The following CUX2 variants were observed in gnomAD, a reference collection of about 807,000 sequenced individuals.
CUX2 encodes cut like homeobox 2.
In CUX2, 40 loss-of-function variants were observed where a neutral mutation model predicts 144.8. The ratio of observed to expected loss-of-function variants is 0.28; its 90% confidence interval spans 0.21 to 0.36. The LOEUF is 0.36. Among genes scored for constraint, CUX2 ranks in the 10% least tolerant of loss-of-function variants. The pLI, the probability that CUX2 is intolerant of heterozygous loss-of-function variation, is 1.00. For missense variants in CUX2, 1,615 were observed against 1,994.0 expected, an observed-to-expected ratio of 0.81 and a Z score of 3.62; for synonymous variants, 827 against 875.6, an observed-to-expected ratio of 0.94 and a Z score of 0.98.
In CUX2 at chr12:111,342,069, C is replaced by T. The variant is rs747464593; in HGVS notation, c.3659+16C>T. The T allele has an allele frequency of 1.3e-5, 20 of 1,598,078 alleles. No homozygotes were observed. The highest frequency in any genetic ancestry group is 7.9e-5 in the South Asian group (7 of 88,382). On this transcript the variant is annotated intron_variant, in intron 21 of 21. Transcript: ENST00000261726. ...ACAACTACAGGTGGGACTATGGGGG[C>T]GTACCCACAGGCGGGTGGCAGAATC...
At chr12:111,145,965 A>G (rs1445605887) in intron 1 of CUX2, among the ~76,000 whole-genome samples, 4 of 152,206 alleles carry the variant, frequency 2.6e-5, no homozygotes, top group South Asian at 4.2e-4. Context: ...TCGGCCTCCC[A>G]AAGTGCTGGG....
intron 1 of CUX2, among the ~76,000 whole-genome samples, chr12:111,146,154 A>G (rs1410025991): frequency 6.6e-6 from 1 of 152,222 alleles, no homozygotes; most frequent in African/African-American, 2.4e-5. Context: ...CAAGTGGGAC[A>G]TGTGTTATAA....
chr12:111,262,955 C>T (rs566858691), intron 3 of CUX2, among the ~76,000 whole-genome samples: 1 of 152,304 alleles, frequency 6.6e-6, no homozygotes, highest in South Asian at 2.1e-4. Flanking sequence ...CTGTGCTTAG[C>T]ACTTAGGTGC....
At chr12:111,205,606 C>G (rs1035193134) in intron 1 of CUX2, among the ~76,000 whole-genome samples, 4 of 152,196 alleles carry the variant, frequency 2.6e-5, no homozygotes, top group African/African-American at 9.6e-5. Flanking sequence ...TGGTTGTCAA[C>G]ACTCTGAAGA....
chr12:111,212,801 T>A (rs1283907207), intron 1 of CUX2, among the ~76,000 whole-genome samples: 2 of 152,232 alleles, frequency 1.3e-5, no homozygotes, highest in South Asian at 4.1e-4. Context: ...CAGCTTGGGG[T>A]GCCAGGTTTA....
chr12:111,055,294 C>T (rs751399297), intron 1 of CUX2, among the ~76,000 whole-genome samples: 3 of 152,172 alleles, frequency 2.0e-5, no homozygotes, highest in Non-Finnish European at 2.9e-5. Context: ...CAGAGGCCAC[C>T]GTCAGAGCTG....
chr12:111,199,189 C>T (rs1020848071), intron 1 of CUX2, among the ~76,000 whole-genome samples: 4 of 152,064 alleles, frequency 2.6e-5, no homozygotes, highest in Non-Finnish European at 4.4e-5. Context: ...GGCTGGGATT[C>T]GTTCAACATC....
intron 18 of CUX2, among the ~76,000 whole-genome samples, chr12:111,328,619 T>TGTGA (rs757660183): frequency 2.4e-4 from 36 of 148,618 alleles, no homozygotes; most frequent in African/African-American, 7.3e-4. Flanking sequence ...TGTGTGTGTG[T>TGTGA]GACAGAGTCT....
chr12:111,334,236 CTT>C (rs1167569877), intron 18 of CUX2, among the ~76,000 whole-genome samples: 2 of 151,732 alleles, frequency 1.3e-5, no homozygotes, highest in Non-Finnish European at 1.5e-5. Flanking sequence ...TACTTGGAGA[CTT>C]TGTAGAAATC....
intron 1 of CUX2, among the ~76,000 whole-genome samples, chr12:111,098,423 A>T (rs1872969769): frequency 6.7e-6 from 1 of 149,230 alleles, no homozygotes; most frequent in Non-Finnish European, 1.5e-5. Context: ...AAAAGAACTG[A>T]GTGGGAGAGA....
intron 3 of CUX2, among the ~76,000 whole-genome samples, chr12:111,234,752 T>C (rs1882651559): frequency 7.0e-6 from 1 of 142,380 alleles, no homozygotes. Context: ...AGAGTCTCCC[T>C]CTGTCACCCA....
At chr12:111,319,990 C>T in intron 16 of CUX2, 22 bp from the exon 17 acceptor site, 2 of 1,464,692 alleles carry the variant, frequency 1.4e-6, no homozygotes, top group Non-Finnish European at 9.0e-7. Context: ...GGCCTCGGGC[C>T]GTCCTGTCCC....
At chr12:111,305,484 G>A (rs560173831) in intron 10 of CUX2, among the ~76,000 whole-genome samples, 1 of 152,204 alleles carries the variant, frequency 6.6e-6, no homozygotes, top group South Asian at 2.1e-4. Context: ...TAACCTGACT[G>A]TGCCTCAGTT....
chr12:111,214,163 C>G, intron 1 of CUX2, 37 bp from the exon 2 acceptor site: 1 of 1,190,804 alleles, frequency 8.4e-7, no homozygotes, highest in East Asian at 2.7e-5. Context: ...TTTTTCTTTT[C>G]TCTCTCTCTC....
rs1394403973 is a variant in CUX2, at chr12:111,313,702, T to C, written c.2002+1501T>C. ...TTCCTTTCTTAGGGTTGTGTGAGGATCAAATGAGGTCAGTGTAATCCTGAA... is the reference window on the plus strand; with the variant it reads ...TTCCTTTCTTAGGGTTGTGTGAGGACCAAATGAGGTCAGTGTAATCCTGAA... On this transcript the variant is annotated intron_variant, in intron 16 of 21. Transcript: ENST00000261726. Among the ~76,000 whole-genome samples, 2 of 151,882 alleles carry C rather than the reference T, an allele frequency of 1.3e-5. 1 individual carries two copies. Among genetic ancestry groups the C allele is most frequent in the East Asian group, 3.9e-4 (2 of 5,154 alleles).
intron 9 of CUX2, among the ~76,000 whole-genome samples, chr12:111,303,886 T>C (rs1886444350): frequency 6.6e-6 from 1 of 152,104 alleles, no homozygotes; most frequent in African/African-American, 2.4e-5. Flanking sequence ...AGAGCCTCTC[T>C]CATCCTGCCT....
intron 1 of CUX2, among the ~76,000 whole-genome samples, chr12:111,161,623 G>T (rs1216411022): frequency 6.6e-6 from 1 of 152,206 alleles, no homozygotes; most frequent in Non-Finnish European, 1.5e-5. Flanking sequence ...CAGCAAAATA[G>T]TAGTTGCACA....
At chr12:111,191,593 C>T (rs368544638) in intron 1 of CUX2, among the ~76,000 whole-genome samples, 5 of 152,134 alleles carry the variant, frequency 3.3e-5, no homozygotes, top group African/African-American at 4.8e-5. Flanking sequence ...CCCAAAGTGT[C>T]GGGATTACAG....
At chr12:111,254,292 A>G (rs1883703372) in intron 3 of CUX2, among the ~76,000 whole-genome samples, 1 of 152,030 alleles carries the variant, frequency 6.6e-6, no homozygotes, top group African/African-American at 2.4e-5. Flanking sequence ...CTATGTATTT[A>G]GGCACTGGGG....
Sources: allele counts gnomAD v4.1 joint callset (sites outside exome capture counted in the v4.1 genomes callset), GRCh38; gene constraint gnomAD v4.1.1; transcripts MANE v1.5; gene names NCBI Gene and HGNC (gene_info 2026-07-23, HGNC 2026-07-21).